TRAF3: variants seen among roughly 807,000 people sequenced by gnomAD.
TRAF3 encodes the protein TNF receptor-associated factor 3.
TRAF3 carries 13 observed loss-of-function variants against 62.3 expected under a neutral mutation model. The ratio of observed to expected loss-of-function variants is 0.21; its 90% CI spans 0.14 to 0.33. The LOEUF (loss-of-function observed/expected upper bound fraction) is 0.33. Ranked by LOEUF, TRAF3 falls within the 10% of genes least tolerant of loss-of-function variation. TRAF3 has a pLI of 1.00. For missense variants in TRAF3, 440 were observed against 741.8 expected, an observed-to-expected ratio of 0.59 and a Z score of 4.73; for synonymous variants, 269 against 283.4, an observed-to-expected ratio of 0.95 and a Z score of 0.51.
intron 1 of TRAF3, among the ~76,000 whole-genome samples, chr14:102,811,244 T>G (rs1387939000): frequency 6.6e-6 from 1 of 151,956 alleles, no homozygotes; most frequent in Non-Finnish European, 1.5e-5. Flanking sequence ...ATTCTTCTCA[T>G]GAGCCCCGTT....
chr14:102,905,229 G>T lies in TRAF3; in HGVS notation c.1152G>T (p.Gln384His). 6.2e-7 allele frequency: 1 copy of T among 1,613,760 alleles called. No homozygotes were observed. The highest frequency in any genetic ancestry group is 8.5e-7 in the Non-Finnish European group (1 of 1,180,046). ...CTGTGGCAGGCCTGCTGGAGTCCCA[G>T]CTGAGCCGGCATGACCAGATGCTGA... is the stretch of plus-strand genomic sequence containing the variant. Reference protein sequence around the residue: ...VARNTGLLESQLSRHDQMLSV... With the variant: ...VARNTGLLESHLSRHDQMLSV... Residue 384 changes from glutamine to histidine, a missense_variant, in exon 12 of 12, where the codon CAG becomes CAT. Gln to His is a conservative substitution (Grantham distance 24, BLOSUM62 0). Transcript: ENST00000392745.
chr14:102,805,684 TC>T (rs1197691741), intron 1 of TRAF3, among the ~76,000 whole-genome samples: 5 of 152,176 alleles, frequency 3.3e-5, no homozygotes, highest in African/African-American at 1.2e-4. Context: ...GGCTACGTTT[TC>T]CTGTGTCCTG....
At chr14:102,868,660 C>T (rs74082934) in intron 2 of TRAF3, among the ~76,000 whole-genome samples, 35 of 152,228 alleles carry the variant, frequency 2.3e-4, no homozygotes, top group African/African-American at 8.2e-4. Flanking sequence ...AAAACAAAGA[C>T]CAGAGAAGCC....
intron 8 of TRAF3, among the ~76,000 whole-genome samples, 200 bp downstream of exon 8, chr14:102,889,834 G>A (rs1889609880): frequency 6.6e-6 from 1 of 152,174 alleles, no homozygotes; most frequent in African/African-American, 2.4e-5. Flanking sequence ...GAGACTTCAG[G>A]GAGACACTGT....
In TRAF3 at chr14:102,905,642, A is replaced by G. The variant is rs1890549761; in HGVS notation, c.1565A>G (p.Lys522Arg). 3.1e-6 allele frequency: 5 copies of G among 1,614,194 alleles called. No individual in the cohort carries two copies. Among genetic ancestry groups the G allele is most frequent in the South Asian group, 1.1e-5 (1 of 91,090 alleles). ...FKPDPNSSSF[K>R]KPTGEMNIAS... ...CCCGACCCCAACAGCAGCAGCTTCA[A>G]GAAGCCCACTGGAGAGATGAATATC... The change falls in exon 12 of 12, where the codon AAG (lysine) becomes AGG (arginine). Residue 522 changes from lysine (K) to arginine (R), a missense_variant. Coordinates refer to ENST00000392745, the MANE Select transcript of TRAF3 (RefSeq NM_145725.3).
intron 7 of TRAF3, among the ~76,000 whole-genome samples, chr14:102,888,444 C>A (rs1889527278): frequency 6.6e-6 from 1 of 152,212 alleles, no homozygotes; most frequent in Non-Finnish European, 1.5e-5. Flanking sequence ...CTTAGTTTCG[C>A]AGCAGGGATC....
chr14:102,835,852 G>A (rs1885967301), intron 2 of TRAF3, among the ~76,000 whole-genome samples: 3 of 152,118 alleles, frequency 2.0e-5, no homozygotes, highest in Admixed American at 2.0e-4. Flanking sequence ...TCAAACCCTG[G>A]TGACAGGAGT....
chr14:102,815,309 T>C (rs1039641817), intron 1 of TRAF3, among the ~76,000 whole-genome samples: 3 of 152,194 alleles, frequency 2.0e-5, no homozygotes, highest in African/African-American at 7.2e-5. Flanking sequence ...CTAAGAATTA[T>C]ATAGTTTTAG....
intron 1 of TRAF3, among the ~76,000 whole-genome samples, chr14:102,821,832 G>A (rs12433366): frequency 0.21 from 31,516 of 152,052 alleles, 3,542 homozygotes; most frequent in East Asian, 0.39. Context: ...TCATGAGGTC[G>A]GGAGTTCGAG....
chr14:102,779,399 G>A (rs183507986), intron 1 of TRAF3, among the ~76,000 whole-genome samples: 209 of 150,388 alleles, frequency 1.4e-3, no homozygotes, highest in African/African-American at 4.9e-3. Context: ...TTCACTCAGT[G>A]AGAGGCTGTA....
intron 1 of TRAF3, among the ~76,000 whole-genome samples, chr14:102,820,801 T>A (rs1899934646): frequency 6.6e-6 from 1 of 150,420 alleles, no homozygotes; most frequent in Non-Finnish European, 1.5e-5. Flanking sequence ...GGCTAAGTTT[T>A]AAAAAATTTT....
At chr14:102,786,295 A>C (rs1310488966) in intron 1 of TRAF3, among the ~76,000 whole-genome samples, 1 of 152,232 alleles carries the variant, frequency 6.6e-6, no homozygotes. Flanking sequence ...GCACAACATT[A>C]TGAATGTATT....
At chr14:102,889,458 C>A in intron 7 of TRAF3, 102 bp from the exon 8 acceptor site, 1 of 1,205,132 alleles carries the variant, frequency 8.3e-7, no homozygotes, top group African/African-American at 1.5e-5. Flanking sequence ...GCGATAAACA[C>A]CATTCTTAAT....
chr14:102,821,107 G>A (rs1200853680), intron 1 of TRAF3, among the ~76,000 whole-genome samples: 2 of 152,146 alleles, frequency 1.3e-5, no homozygotes, highest in Non-Finnish European at 2.9e-5. Context: ...ATCACTGTGT[G>A]TTCATTCCAT....
chr14:102,799,490 G>A (rs1476131362), intron 1 of TRAF3, among the ~76,000 whole-genome samples: 1 of 151,966 alleles, frequency 6.6e-6, no homozygotes, highest in Non-Finnish European at 1.5e-5. Context: ...TCACTCTGTC[G>A]CCCAGGCTGG....
intron 1 of TRAF3, among the ~76,000 whole-genome samples, chr14:102,787,659 C>A (rs1388487986): frequency 6.6e-6 from 1 of 152,102 alleles, no homozygotes; most frequent in African/African-American, 2.4e-5. Flanking sequence ...TGCACTGCAG[C>A]CTGGGTGACA....
chr14:102,866,904 A>T (rs1341007539), intron 2 of TRAF3, among the ~76,000 whole-genome samples: 1 of 151,504 alleles, frequency 6.6e-6, no homozygotes, highest in African/African-American at 2.4e-5. Context: ...AAACAATGAC[A>T]AGAAGGCACA....
intron 2 of TRAF3, among the ~76,000 whole-genome samples, chr14:102,839,684 CACA>C (rs1439005185): frequency 1.3e-5 from 2 of 152,174 alleles, no homozygotes; most frequent in African/African-American, 4.8e-5. Flanking sequence ...ATTTTGCAGT[CACA>C]ACATCTTTGT....
At chr14:102,811,554 T>G (rs1381021634) in intron 1 of TRAF3, among the ~76,000 whole-genome samples, 8 of 148,330 alleles carry the variant, frequency 5.4e-5, no homozygotes, top group Admixed American at 3.3e-4. Flanking sequence ...TAGGCGGTTT[T>G]TTTTTTTTTT....
Sources: gnomAD v4.1 joint callset for allele counts (sites outside exome capture counted in the v4.1 genomes callset) on GRCh38, gnomAD v4.1.1 for gene constraint, MANE v1.5 for transcripts, NCBI Gene and HGNC (gene_info 2026-07-23, HGNC 2026-07-21) for gene names.